Variants in CCDC57 observed in about 807,000 individuals in gnomAD.
The protein encoded by CCDC57 is coiled-coil domain-containing protein 57.
CCDC57 carries 118 observed loss-of-function variants against 118.9 expected under a neutral mutation model. The observed-to-expected ratio is 0.99, with a 90% CI of 0.86 to 1.16. The LOEUF (loss-of-function observed/expected upper bound fraction) is 1.16, where lower values mean the gene tolerates loss of function less well. Ranked by LOEUF, CCDC57 falls within the 50% of genes most tolerant of loss-of-function variation. The probability of loss-of-function intolerance (pLI) is 0.00; values close to 1 mark genes in which losing one functional copy is unlikely to be tolerated. For missense variants in CCDC57, 1,300 were observed against 1,320.7 expected, an observed-to-expected ratio of 0.98 and a Z score of 0.24; for synonymous variants, 527 against 532.9, an observed-to-expected ratio of 0.99 and a Z score of 0.15.
chr17:82,169,284 G>A (rs940009453), intron 13 of CCDC57, among the ~76,000 whole-genome samples: 2 of 152,094 alleles, frequency 1.3e-5, no homozygotes, highest in African/African-American at 2.4e-5. Context: ...CTGCCACCAC[G>A]CCCAGCTAAT....
At chr17:82,142,278 T>C (rs2040110291) in intron 16 of CCDC57, among the ~76,000 whole-genome samples, 1 of 152,124 alleles carries the variant, frequency 6.6e-6, no homozygotes, top group Admixed American at 6.6e-5. Context: ...GTCCTGAACA[T>C]TTCTGCTCTA....
Position 82,198,400 on chromosome 17 carries a change from G to A in CCDC57, c.430C>T (p.His144Tyr), listed in dbSNP as rs781700771. The stretch of plus-strand genomic sequence containing the variant: ...AGATTTTCATACTGTTCCCGGTGGT[G>A]GTCAATCTCACCATTCTTGTCACTA... The change falls in exon 4 of 20, where the codon CAC (histidine) becomes TAC (tyrosine). Residue 144 changes from histidine (H) to tyrosine (Y), a missense_variant. Transcript: ENST00000665763. 16 of 1,610,774 alleles carry A rather than the reference G, an allele frequency of 9.9e-6. No homozygotes were observed. In the Admixed American group the frequency reaches 1.2e-4, roughly 12 times the overall value.
chr17:82,170,548 G>A (rs1337756646), intron 13 of CCDC57, among the ~76,000 whole-genome samples: 2 of 150,714 alleles, frequency 1.3e-5, no homozygotes, highest in African/African-American at 4.9e-5. Flanking sequence ...CCAGGAGTGA[G>A]CATGCAGCGG....
chr17:82,191,213 T>C (rs1289120756), intron 7 of CCDC57, among the ~76,000 whole-genome samples: 1 of 152,018 alleles, frequency 6.6e-6, no homozygotes, highest in East Asian at 1.9e-4. Context: ...AGCAGAGGAA[T>C]GAACGGGAGA....
intron 18 of CCDC57, among the ~76,000 whole-genome samples, 173 bp from the exon 18 acceptor site, chr17:82,128,081 C>T (rs1484106028): frequency 2.0e-5 from 3 of 152,062 alleles, no homozygotes; most frequent in Non-Finnish European, 2.9e-5. Flanking sequence ...GGGATGCATC[C>T]GGGGAGCGAG....
intron 16 of CCDC57, among the ~76,000 whole-genome samples, chr17:82,147,768 GTGC>G: frequency 8.3e-6 from 1 of 120,840 alleles, no homozygotes; most frequent in Admixed American, 8.2e-5. Flanking sequence ...GGATGGGTTG[GTGC>G]GTAGATGGAT....
At chr17:82,179,858 AAAG>A (rs1203039700) in intron 9 of CCDC57, among the ~76,000 whole-genome samples, 1 of 152,248 alleles carries the variant, frequency 6.6e-6, no homozygotes, top group Non-Finnish European at 1.5e-5. Context: ...ATGAAGGACG[AAAG>A]AAGAGTCTAC....
intron 16 of CCDC57, among the ~76,000 whole-genome samples, chr17:82,142,245 A>G (rs1347595949): frequency 3.3e-5 from 5 of 152,144 alleles, no homozygotes; most frequent in Non-Finnish European, 5.9e-5. Context: ...ACACTGTATT[A>G]TGAACCAGGA....
rs2050208217 is a variant in CCDC57 at position 82,212,077 on chromosome 17, G to A, written c.-211+708C>T. On this transcript the variant is annotated intron_variant, in intron 1 of 19. Transcript: ENST00000665763. This position sits in a 1 kb window ranked among gnomAD's most constrained non-coding sequence, Gnocchi z 4.1. ...TCTAGCCCCTTCTTCGGGGCCGAGG[G>A]AATTTGCAGCTCTAGCAGTCTGTCA... 6.6e-6 allele frequency among the ~76,000 whole-genome samples: 1 copy of A among 152,170 alleles called. No homozygotes were observed. The highest frequency in any genetic ancestry group is 1.5e-5 in the Non-Finnish European group (1 of 68,032).
chr17:82,156,676 C>A (rs1292751919), intron 15 of CCDC57: 1 of 152,320 alleles, frequency 6.6e-6, no homozygotes, highest in African/African-American at 2.4e-5. Flanking sequence ...CAGCTCAGCC[C>A]TTCCTGTGCG....
chr17:82,159,799 G>C (rs79746400), intron 14 of CCDC57, among the ~76,000 whole-genome samples: 68,568 of 148,950 alleles, frequency 0.46, 17,357 homozygotes, highest in East Asian at 0.88. Context: ...AGCCTCCCGA[G>C]TAGCTGGGAT....
At chr17:82,201,436 G>A (rs1410564157) in intron 3 of CCDC57, 102 bp downstream of exon 2, 2 of 1,350,934 alleles carry the variant, frequency 1.5e-6, no homozygotes, top group Non-Finnish European at 2.0e-6. Flanking sequence ...CGGGAGGAGG[G>A]GCAGTGAGAG....
At chr17:82,103,945 C>T (rs548094836) in intron 19 of CCDC57, among the ~76,000 whole-genome samples, 13 of 152,304 alleles carry the variant, frequency 8.5e-5, no homozygotes, top group African/African-American at 2.6e-4. Context: ...CCTTTTCCTG[C>T]GGAGCCCTCC....
At chr17:82,197,818 C>T (rs938328442) in intron 4 of CCDC57, among the ~76,000 whole-genome samples, 6 of 152,154 alleles carry the variant, frequency 3.9e-5, no homozygotes, top group African/African-American at 1.2e-4. Flanking sequence ...CTGAGACACT[C>T]GCCTTCTCCT....
At chr17:82,199,294 A>G (rs1033646900) in intron 3 of CCDC57, among the ~76,000 whole-genome samples, 3 of 151,760 alleles carry the variant, frequency 2.0e-5, no homozygotes, top group Admixed American at 2.0e-4. Flanking sequence ...CCTGGCCAAC[A>G]TGGTGAAACC....
At position 82,188,439 on chromosome 17, in the gene CCDC57, C is replaced by A; in HGVS notation, c.852-20G>T. The A allele has an allele frequency of 6.2e-7, 1 of 1,600,012 alleles. No individual in the cohort carries two copies. The highest frequency in any genetic ancestry group is 8.5e-7 in the Non-Finnish European group (1 of 1,174,236). On this transcript the variant is annotated intron_variant, in intron 7 of 19. Coordinates refer to ENST00000665763, the Ensembl canonical transcript of CCDC57. ...TCATGCCTGAAACACAGTGAGTGTC[C>A]CATGGCGCTCACCCAGCCCCCAACA...
intron 13 of CCDC57, among the ~76,000 whole-genome samples, chr17:82,164,902 T>A (rs1311337454): frequency 1.3e-5 from 2 of 152,208 alleles, no homozygotes; most frequent in Non-Finnish European, 2.9e-5. Flanking sequence ...AAATAGAGAA[T>A]ACTTTCCAAC....
At chr17:82,123,789 A>G (rs2037053899) in intron 19 of CCDC57, among the ~76,000 whole-genome samples, 1 of 152,166 alleles carries the variant, frequency 6.6e-6, no homozygotes, top group South Asian at 2.1e-4. Context: ...GAGTTGAGTT[A>G]TAAGTCCTAC....
At chr17:82,145,455 T>C (rs2040596277) in intron 16 of CCDC57, among the ~76,000 whole-genome samples, 1 of 151,660 alleles carries the variant, frequency 6.6e-6, no homozygotes, top group Non-Finnish European at 1.5e-5. Context: ...GCTGAGGCAA[T>C]AGAATCGCTG....
Sources: allele counts gnomAD v4.1 joint callset (sites outside exome capture counted in the v4.1 genomes callset), GRCh38; gene constraint gnomAD v4.1.1; non-coding constraint Gnocchi (gnomAD v3.1); transcripts MANE v1.5; gene names NCBI Gene and HGNC (gene_info 2026-07-23, HGNC 2026-07-21).